The following EPS8L2 variants were observed in gnomAD, a reference collection of about 807,000 sequenced individuals.
EPS8L2 encodes EPS8 signaling adaptor L2.
Under a neutral mutation model 99.4 loss-of-function variants are expected in EPS8L2, and 81 were observed. That is an observed-to-expected ratio of 0.82 (90% CI 0.68 to 0.98). EPS8L2 has a LOEUF of 0.98. EPS8L2 is among the 50% of genes least tolerant of loss of function. The pLI, the probability that EPS8L2 is intolerant of heterozygous loss-of-function variation, is 0.00. For missense variants in EPS8L2, 1,155 were observed against 968.8 expected (o/e 1.19, Z -2.55); for synonymous variants, 509 against 407.3 (o/e 1.25, Z -3.01).
chr11:710,904 C>T (rs1861871828), intron 4 of EPS8L2, among the ~76,000 whole-genome samples: 1 of 152,226 alleles, frequency 6.6e-6, no homozygotes, highest in Admixed American at 6.5e-5. Context: ...GGGGAAAGCG[C>T]CCCTCTGGTT....
chr11:726,055 G>T, intron 17 of EPS8L2, 43 bp from the exon 18 acceptor site: 3 of 1,408,130 alleles, frequency 2.1e-6, no homozygotes, highest in African/African-American at 1.4e-5. Context: ...GCTGGGAGGC[G>T]GGGGCGGGGC....
chr11:709,924 G>C (rs1041240020), intron 3 of EPS8L2: 11 of 476,300 alleles, frequency 2.3e-5, no homozygotes, highest in South Asian at 1.9e-4. Context: ...TGCTCCAGGA[G>C]GGGGGCCTGG....
At chr11:708,583 C>T (rs1376814460) in intron 1 of EPS8L2, 3 of 152,340 alleles carry the variant, frequency 2.0e-5, no homozygotes, top group Non-Finnish European at 2.9e-5. Flanking sequence ...AGTCCCTCCC[C>T]TAGGCTTGGC....
rs1861932960 is a variant in EPS8L2, at chr11:713,138, T to C, written c.165+2652T>C. Among the ~76,000 whole-genome samples, 3 of 152,214 alleles carry C rather than the reference T, an allele frequency of 2.0e-5. No homozygotes were observed. In the South Asian group the frequency reaches 6.2e-4, roughly 32 times the overall value. On this transcript the variant is annotated intron_variant, in intron 4 of 20. Transcript: ENST00000318562. ...GAGGGTGAGAGTCTGGTGGGAAGTCTCTCCAGCCAGGTGGGGGCCGGATCA... is the reference window on the plus strand; with the variant it reads ...GAGGGTGAGAGTCTGGTGGGAAGTCCCTCCAGCCAGGTGGGGGCCGGATCA...
chr11:721,789 T>C (rs1862183700), intron 10 of EPS8L2, 98 bp downstream of exon 10: 15 of 1,488,640 alleles, frequency 1.0e-5, no homozygotes, highest in Non-Finnish European at 1.3e-5. Flanking sequence ...CCATGGGGGC[T>C]ACTCATGGAG....
At chr11:709,106 G>T in intron 1 of EPS8L2, 1 of 545,992 alleles carries the variant, frequency 1.8e-6, no homozygotes, top group Non-Finnish European at 3.3e-6. Context: ...CCTCTGGGGG[G>T]TCCCTGTGGA....
At chr11:726,201 C>G in intron 18 of EPS8L2, 31 bp downstream of exon 18, 2 of 1,588,600 alleles carry the variant, frequency 1.3e-6, no homozygotes, top group Non-Finnish European at 8.6e-7. Context: ...GCGGGGGTCC[C>G]GGGCCCAGGG....
At position 722,673 on chromosome 11, in the gene EPS8L2, T is replaced by A; in HGVS notation, c.1209T>A (p.Arg403=). 1 of 1,607,670 alleles carries A rather than the reference T, an allele frequency of 6.2e-7. No homozygotes were observed. Among genetic ancestry groups the A allele is most frequent in the African/African-American group, 1.3e-5 (1 of 74,778 alleles). Residue 403 remains arginine, a splice_region_variant and synonymous_variant, in exon 14 of 21, where the codon CGT becomes CGA. Transcript: ENST00000318562. ...CTGACTTCAGGACCTCTCACCCCAG[T>A]TCCGAGTGGCCGCGGGAGCCACAGG... The part of the protein sequence containing the change: ...ESLGESWMRP[R]SEWPREPQVP...
intron 4 of EPS8L2, among the ~76,000 whole-genome samples, chr11:719,128 G>A (rs1027862987): frequency 6.6e-6 from 1 of 151,096 alleles, no homozygotes; most frequent in African/African-American, 2.4e-5. Context: ...ACAATGCCTG[G>A]CTAATTTTTT....
At chr11:721,713 CCGGCAGG>C (rs758057842) in intron 10 of EPS8L2, 22 bp downstream of exon 10, 1 of 1,567,408 alleles carries the variant, frequency 6.4e-7, no homozygotes, top group Non-Finnish European at 8.7e-7. Flanking sequence ...AGGGACGGGG[CCGGCAGG>C]TGCAGGGGAC....
rs59252061 is a variant in EPS8L2, at chr11:727,446, G to A, written c.*465G>A. On this transcript the variant is annotated 3_prime_UTR_variant, in exon 21 of 21. Transcript: ENST00000318562. ...GGGGGGCCCGGGAGGGGCTCCAGCA[G>A]GAGGCCGTGGGTGCCATTCGGGGGA... 0.019 allele frequency: 2,886 copies of A among 154,716 alleles called. 99 individuals carry two copies. The highest frequency in any genetic ancestry group is 0.066 in the African/African-American group (2,732 of 41,592). The allele number at this position is 154,716 out of a possible 1,614,324, so 9.6% of individuals were successfully genotyped here.
Position 726,449 on chromosome 11 carries a change from C to A in EPS8L2, c.1899C>A (p.Val633=). ...CCTACGAGTCGGGTCCGGACGAGGT[C>A]CGCGCCTGGCTGGAAGCCAAGGCCT... ...PLTYESGPDE[V]RAWLEAKAFS... The change falls in exon 19 of 21, where the codon GTC becomes GTA. Residue 633 remains valine (V), a synonymous_variant. Transcript: ENST00000318562. The A allele has an allele frequency of 6.3e-7, 1 of 1,584,086 alleles. No individual in the cohort carries two copies. The highest frequency in any genetic ancestry group is 1.1e-5 in the South Asian group (1 of 87,134).
At position 720,742 on chromosome 11, in the gene EPS8L2, TGGA is replaced by T. The variant is rs757238153; in HGVS notation, c.476_477+1del. The T allele has an allele frequency of 1.3e-6, 2 of 1,498,080 alleles. No individual in the cohort carries two copies. Among genetic ancestry groups the T allele is most frequent in the Non-Finnish European group, 1.8e-6 (2 of 1,115,700 alleles). The allele number at this position is 1,498,080 out of a possible 1,614,324, so 92.8% of individuals were successfully genotyped here. A position where few individuals can be genotyped will look rare whatever the true frequency, so the allele number is the denominator to read the frequency against. On this transcript the variant is annotated inframe_deletion and splice_region_variant, in exon 6 of 21. Transcript: ENST00000318562. ...GTCCACTTCTTCCACTGCGATGAGGTGGAGGTGAGGCGGTGCCGGGCGGGGCAG... is the reference window on the plus strand; with the variant it reads ...GTCCACTTCTTCCACTGCGATGAGGTGGTGAGGCGGTGCCGGGCGGGGCAG...
rs909041486 is a variant in EPS8L2, at chr11:724,381, G to A, written c.1455-343G>A. Among the ~76,000 whole-genome samples the A allele has an allele frequency of 6.6e-6, 1 of 152,182 alleles. No individual in the cohort carries two copies. Among genetic ancestry groups the A allele is most frequent in the Non-Finnish European group, 1.5e-5 (1 of 68,016 alleles). On this transcript the variant is annotated intron_variant, in intron 15 of 20. Coordinates refer to ENST00000318562, the MANE Select transcript of EPS8L2 (RefSeq NM_022772.4). The surrounding 1 kb of genome is among the most constrained non-coding windows in gnomAD (Gnocchi z 5.5). ...TCACTGGCCAGCTGCGGGGAGCTGT[G>A]ACCCTGGCGTTTCCCAGGAACGCCC...
chr11:725,055 A>T (rs886724420), intron 16 of EPS8L2, among the ~76,000 whole-genome samples: 2 of 151,984 alleles, frequency 1.3e-5, no homozygotes, highest in Admixed American at 1.3e-4. Flanking sequence ...GCATGCAGAG[A>T]CCCCTGTGCC....
At chr11:725,993 C>G in intron 17 of EPS8L2, 105 bp from the exon 18 acceptor site, 3 of 1,319,532 alleles carry the variant, frequency 2.3e-6, no homozygotes, top group Non-Finnish European at 2.1e-6. Flanking sequence ...AGGGCTGGTC[C>G]GCAGGCCGGG....
rs1241461659 is a variant in EPS8L2 at position 727,289 on chromosome 11, C to T, written c.*308C>T. The T allele has an allele frequency of 3.5e-6, 1 of 284,720 alleles. No homozygotes were observed. The allele number at this position is 284,720 out of a possible 1,614,324, so 17.6% of individuals were successfully genotyped here. On this transcript the variant is annotated 3_prime_UTR_variant, in exon 21 of 21. Transcript: ENST00000318562. ...CTCTTTCTCTGGCCTCCCCTGTGCA[C>T]CTGGGGGGTCCTGGCCCCTGTGATG...
At position 721,583 on chromosome 11, in the gene EPS8L2, C is replaced by A. The variant is rs144181589; in HGVS notation, c.787C>A (p.Leu263Met). The change falls in exon 10 of 21, where the codon CTG becomes ATG. Residue 263 changes from leucine to methionine, a missense_variant. Physicochemically the swap from Leu to Met is conservative, Grantham distance 15 (BLOSUM62 2). Coordinates refer to ENST00000318562, the MANE Select transcript of EPS8L2 (RefSeq NM_022772.4). ...ACCCCAGCAAATCCTCAACTGCGCC[C>A]TGGACGACATCGAGTGGTTTGTGGC... ...EKETQILNCALDDIEWFVARL... is the reference protein window; with the variant it reads ...EKETQILNCAMDDIEWFVARL... 2 of 1,567,354 alleles carry A rather than the reference C, an allele frequency of 1.3e-6. No homozygotes were observed. Among genetic ancestry groups the A allele is most frequent in the South Asian group, 2.3e-5 (2 of 85,582 alleles).
chr11:716,293 C>T (rs908199756), intron 4 of EPS8L2, among the ~76,000 whole-genome samples: 5 of 151,800 alleles, frequency 3.3e-5, no homozygotes, highest in African/African-American at 7.3e-5. Context: ...GGACTACAGG[C>T]GCCCGCCACC....
Sources: gnomAD v4.1 joint callset for allele counts (sites outside exome capture counted in the v4.1 genomes callset) on GRCh38, gnomAD v4.1.1 for gene constraint, Gnocchi (gnomAD v3.1) non-coding constraint, MANE v1.5 for transcripts, NCBI Gene and HGNC (gene_info 2026-07-23, HGNC 2026-07-21) for gene names.